PPFIA2: variants seen among roughly 807,000 people sequenced by gnomAD.
PPFIA2 encodes liprin-alpha-2.
In PPFIA2, 46 loss-of-function variants were observed where a neutral mutation model predicts 175.5. That is an observed-to-expected ratio of 0.26 (90% CI 0.21 to 0.34). PPFIA2 has a LOEUF of 0.34. PPFIA2 is among the 10% of genes least tolerant of loss of function. PPFIA2 has a pLI of 1.00. For missense variants in PPFIA2, 1,179 were observed against 1,506.1 expected, an observed-to-expected ratio of 0.78 and a Z score of 3.60; for synonymous variants, 568 against 511.4, an observed-to-expected ratio of 1.11 and a Z score of -1.49.
At chr12:81,683,197 C>T (rs2073938187) in intron 3 of PPFIA2, among the ~76,000 whole-genome samples, 1 of 152,022 alleles carries the variant, frequency 6.6e-6, no homozygotes, top group Admixed American at 6.6e-5. Context: ...TCACCATTCA[C>T]CCAGTTGCTC....
intron 3 of PPFIA2, among the ~76,000 whole-genome samples, chr12:81,753,081 C>G (rs2084078191): frequency 6.6e-6 from 1 of 151,886 alleles, no homozygotes; most frequent in Non-Finnish European, 1.5e-5. Context: ...ACTACAGGCG[C>G]ATGGCACCAC....
chr12:81,374,696 T>C lies in PPFIA2; in HGVS notation c.1204A>G (p.Lys402Glu), dbSNP rs1236434604. The C allele has an allele frequency of 6.2e-7, 1 of 1,613,442 alleles. No homozygotes were observed. The highest frequency in any genetic ancestry group is 8.5e-7 in the Non-Finnish European group (1 of 1,179,572). The stretch of plus-strand genomic sequence containing the variant: ...TCTACTTCAGGCAAGGTTTCAGCCT[T>C]TCTCATGGTCTGCTGCAACTTTTGT... The part of the protein sequence containing the change: ...AEQKLQQTMR[K>E]AETLPEVEAE... Residue 402 changes from lysine to glutamate, a missense_variant, in exon 11 of 33, where the codon AAG (lysine) becomes GAG (glutamate). By Grantham distance (56) the Lys-to-Glu change is moderately conservative. Coordinates refer to ENST00000549396, the MANE Select transcript of PPFIA2 (RefSeq NM_003625.5).
chr12:81,606,341 T>G (rs996487418), intron 4 of PPFIA2, among the ~76,000 whole-genome samples: 7 of 152,100 alleles, frequency 4.6e-5, no homozygotes, highest in Non-Finnish European at 7.4e-5. Flanking sequence ...TACCCAGTAA[T>G]GGGATGGCTA....
chr12:81,371,612 G>GA (rs201137143), intron 11 of PPFIA2, among the ~76,000 whole-genome samples: 6 of 150,228 alleles, frequency 4.0e-5, no homozygotes, highest in South Asian at 4.2e-4. Context: ...TCCCTTCAGA[G>GA]AAAAAAAAAG....
At chr12:81,369,787 C>T (rs1010458500) in intron 11 of PPFIA2, among the ~76,000 whole-genome samples, 3 of 151,588 alleles carry the variant, frequency 2.0e-5, no homozygotes, top group Non-Finnish European at 4.4e-5. Flanking sequence ...GAACATAGCA[C>T]AGAATGCTTA....
chr12:81,721,968 C>T (rs1040759044), intron 3 of PPFIA2, among the ~76,000 whole-genome samples: 1 of 150,924 alleles, frequency 6.6e-6, no homozygotes, highest in African/African-American at 2.4e-5. Context: ...TTATTTAAAA[C>T]AATGTGCTGT....
intron 4 of PPFIA2, among the ~76,000 whole-genome samples, chr12:81,543,332 C>CA (rs766409340): frequency 6.6e-6 from 1 of 151,968 alleles, no homozygotes; most frequent in African/African-American, 2.4e-5. Flanking sequence ...TAAACACACA[C>CA]AAAAAATGAT....
chr12:81,367,734 G>A (rs1243360937), intron 13 of PPFIA2, among the ~76,000 whole-genome samples: 1 of 151,378 alleles, frequency 6.6e-6, no homozygotes, highest in Non-Finnish European at 1.5e-5. Context: ...AAATAAGTTG[G>A]CATCATAGAT....
chr12:81,264,121 A>T (rs1238547032), intron 30 of PPFIA2, among the ~76,000 whole-genome samples: 1 of 152,168 alleles, frequency 6.6e-6, no homozygotes, highest in Non-Finnish European at 1.5e-5. Context: ...TAATTGGCCC[A>T]GTAGACTTTT....
At chr12:81,521,710 C>T (rs1325898036) in intron 4 of PPFIA2, among the ~76,000 whole-genome samples, 2 of 150,718 alleles carry the variant, frequency 1.3e-5, no homozygotes, top group East Asian at 1.9e-4. Context: ...GTCCCAGCTA[C>T]TCCGGAGGCT....
chr12:81,431,172 A>G (rs1188194405), intron 7 of PPFIA2: 2 of 152,214 alleles, frequency 1.3e-5, no homozygotes, highest in East Asian at 3.9e-4. Context: ...ATTCACTGCA[A>G]ATTAGTCTGT....
intron 4 of PPFIA2, among the ~76,000 whole-genome samples, chr12:81,518,636 T>C (rs2062750290): frequency 6.6e-6 from 1 of 152,114 alleles, no homozygotes; most frequent in Admixed American, 6.6e-5. Context: ...CCTTCACCTT[T>C]CTAAGCATTT....
intron 5 of PPFIA2, among the ~76,000 whole-genome samples, chr12:81,453,825 C>G (rs955309921): frequency 6.6e-6 from 1 of 152,142 alleles, no homozygotes; most frequent in Non-Finnish European, 1.5e-5. Context: ...AAACATAATA[C>G]ATGGCCAGGA....
chr12:81,597,590 T>G (rs2153452058), intron 4 of PPFIA2, among the ~76,000 whole-genome samples: 1 of 152,208 alleles, frequency 6.6e-6, no homozygotes, highest in Non-Finnish European at 1.5e-5. Flanking sequence ...TGTTTTAATC[T>G]TACTCTTTCT....
At chr12:81,292,188 T>C (rs2045224366) in intron 24 of PPFIA2, 1 of 152,168 alleles carries the variant, frequency 6.6e-6, no homozygotes, top group Non-Finnish European at 1.5e-5. Flanking sequence ...AATAATTTTG[T>C]TTGCATTTGC....
intron 4 of PPFIA2, among the ~76,000 whole-genome samples, chr12:81,550,034 C>T (rs972790400): frequency 1.3e-4 from 19 of 151,868 alleles, no homozygotes; most frequent in Non-Finnish European, 2.7e-4. Flanking sequence ...CTTTAAATAT[C>T]CTATTACAAA....
At chr12:81,535,990 G>C (rs933683376) in intron 4 of PPFIA2, among the ~76,000 whole-genome samples, 2 of 151,642 alleles carry the variant, frequency 1.3e-5, no homozygotes, top group East Asian at 3.9e-4. Context: ...AATCAGGCAG[G>C]TCATAAAAAA....
intron 7 of PPFIA2, among the ~76,000 whole-genome samples, chr12:81,435,559 G>A (rs1240590308): frequency 6.6e-6 from 1 of 152,024 alleles, no homozygotes; most frequent in Non-Finnish European, 1.5e-5. Flanking sequence ...ACAAGTGGTG[G>A]TGGTGGGAGG....
intron 4 of PPFIA2, chr12:81,546,219 A>G (rs143578203): frequency 6.6e-6 from 1 of 152,280 alleles, no homozygotes; most frequent in Non-Finnish European, 1.5e-5. Context: ...TTCCAAGACC[A>G]TACAACCTAA....
Sources: allele counts gnomAD v4.1 joint callset (sites outside exome capture counted in the v4.1 genomes callset), GRCh38; gene constraint gnomAD v4.1.1; transcripts MANE v1.5; gene names NCBI Gene and HGNC (gene_info 2026-07-23, HGNC 2026-07-21).